PRKAR2A: variants seen among roughly 807,000 people sequenced by gnomAD.
PRKAR2A encodes the protein cAMP-dependent protein kinase type II-alpha regulatory subunit.
In PRKAR2A, 29 loss-of-function variants were observed where a neutral mutation model predicts 51.9. The ratio of observed to expected loss-of-function variants is 0.56; its 90% CI spans 0.42 to 0.76. PRKAR2A has a LOEUF of 0.76. Among genes scored for constraint, PRKAR2A ranks in the 30% least tolerant of loss-of-function variants. PRKAR2A has a pLI of 0.00. For synonymous variants in PRKAR2A, 178 were observed against 186.2 expected, an observed-to-expected ratio of 0.96 and a Z score of 0.36; for missense variants, 445 against 512.1, an observed-to-expected ratio of 0.87 and a Z score of 1.26.
rs1302540315 is a variant in PRKAR2A, at chr3:48,847,621, C to T, written c.-25G>A. On this transcript the variant is annotated 5_prime_UTR_variant, in exon 1 of 11. Coordinates refer to ENST00000265563, the MANE Select transcript of PRKAR2A (RefSeq NM_004157.4). The surrounding 1 kb of genome is among the most constrained non-coding windows in gnomAD (Gnocchi z 4.4). ...TGCCGGCGGCGGCCGAAGGGATAGA[C>T]GGGTTGGGCCGCCGGCGGCCACTGT... 3 of 1,420,966 alleles carry T rather than the reference C, an allele frequency of 2.1e-6. No homozygotes were observed. In the South Asian group the frequency reaches 4.6e-5, roughly 22 times the overall value. 88.0% of individuals were successfully genotyped at this position (1,420,966 alleles called of 1,614,324 possible).
intron 1 of PRKAR2A, among the ~76,000 whole-genome samples, chr3:48,824,901 G>A (rs1178415190): frequency 6.6e-6 from 1 of 151,092 alleles, no homozygotes; most frequent in African/African-American, 2.4e-5. Context: ...AGCCGAGATC[G>A]TACCACTGCA....
At chr3:48,790,842 C>T (rs1347541498) in intron 3 of PRKAR2A, among the ~76,000 whole-genome samples, 1 of 152,106 alleles carries the variant, frequency 6.6e-6, no homozygotes, top group Non-Finnish European at 1.5e-5. Context: ...CTGCCGACTA[C>T]ATGGCTGGCA....
In PRKAR2A at chr3:48,773,059, C is replaced by T. The variant is rs1181391783; in HGVS notation, c.592G>A (p.Gly198Ser). 11 of 1,613,034 alleles carry T rather than the reference C, an allele frequency of 6.8e-6. No individual in the cohort carries two copies. Among genetic ancestry groups the T allele is most frequent in the African/African-American group, 4.0e-5 (3 of 74,830 alleles). ...VTKDNQTRSV[G>S]QYDNRGSFGE... Reference sequence around the variant, plus strand: ...AAACTGCCACGGTTGTCATATTGACCAACAGAGCGGGTTTGATTATCTTTT... The same window carrying T: ...AAACTGCCACGGTTGTCATATTGACTAACAGAGCGGGTTTGATTATCTTTT... The change falls in exon 6 of 11, where the codon GGT (glycine) becomes AGT (serine). Residue 198 changes from glycine (G) to serine (S), a missense_variant. Physicochemically the swap from Gly to Ser is moderately conservative, Grantham distance 56 (BLOSUM62 0). Transcript: ENST00000265563.
intron 1 of PRKAR2A, among the ~76,000 whole-genome samples, chr3:48,829,822 TATAC>T (rs1402798262): frequency 2.3e-5 from 3 of 131,402 alleles, no homozygotes; most frequent in Non-Finnish European, 3.2e-5. Context: ...TATGTATGTA[TATAC>T]ATACATATAT....
At chr3:48,838,319 T>C (rs2107459320) in intron 1 of PRKAR2A, among the ~76,000 whole-genome samples, 1 of 151,374 alleles carries the variant, frequency 6.6e-6, no homozygotes, top group South Asian at 2.1e-4. Context: ...GACTAAAGTG[T>C]ATGGTGACCG....
At chr3:48,793,062 T>G (rs1444407517) in intron 3 of PRKAR2A, among the ~76,000 whole-genome samples, 1 of 151,814 alleles carries the variant, frequency 6.6e-6, no homozygotes, top group African/African-American at 2.4e-5. Context: ...ATCTGGGGTA[T>G]ATCCTTCCAG....
chr3:48,843,815 C>T (rs1333383424), intron 1 of PRKAR2A, among the ~76,000 whole-genome samples: 5 of 151,980 alleles, frequency 3.3e-5, no homozygotes, highest in African/African-American at 9.7e-5. Flanking sequence ...CCCTTCCTTA[C>T]ACCTTATACA....
At position 48,821,349 on chromosome 3, in the gene PRKAR2A, C is replaced by T. The variant is rs531713230; in HGVS notation, c.263-13665G>A. Among the ~76,000 whole-genome samples the T allele has an allele frequency of 5.3e-5, 8 of 152,340 alleles. No homozygotes were observed. The East Asian group carries it at 1.5e-3, about 29-fold the overall frequency. ...AGAACTAGGGAAATACCTCCTCCTA[C>T]CCATCCCCACTCCCTTCCAGCTATT... On this transcript the variant is annotated intron_variant, in intron 1 of 10. Transcript: ENST00000265563.
At chr3:48,795,658 T>C (rs1335359367) in intron 2 of PRKAR2A, among the ~76,000 whole-genome samples, 4 of 152,316 alleles carry the variant, frequency 2.6e-5, no homozygotes, top group African/African-American at 9.6e-5. Context: ...TGCCTTAGCC[T>C]CCTTAGTAGC....
At chr3:48,784,616 C>T (rs1442717163) in intron 4 of PRKAR2A, among the ~76,000 whole-genome samples, 1 of 152,166 alleles carries the variant, frequency 6.6e-6, no homozygotes, top group Non-Finnish European at 1.5e-5. Flanking sequence ...AGTCTGGACT[C>T]TTCAAACACA....
chr3:48,835,299 C>T (rs867216549), intron 1 of PRKAR2A, among the ~76,000 whole-genome samples: 2 of 151,396 alleles, frequency 1.3e-5, no homozygotes, highest in Non-Finnish European at 2.9e-5. Context: ...ACCAGGAGTT[C>T]GAGACCAACC....
intron 5 of PRKAR2A, among the ~76,000 whole-genome samples, chr3:48,780,248 C>T (rs1226422910): frequency 6.6e-6 from 1 of 151,940 alleles, no homozygotes; most frequent in Non-Finnish European, 1.5e-5. Context: ...AGACAAAAGT[C>T]TTTTCTCTGA....
Position 48,748,404 on chromosome 3 carries a change from G to C in PRKAR2A, c.*3181C>G, listed in dbSNP as rs2081594234. ...CCACTTTGGCTTCCCAAAGTGCTGA[G>C]ATTACAGGCATGAGCCACTATGCCC... On this transcript the variant is annotated 3_prime_UTR_variant, in exon 11 of 11. Coordinates refer to ENST00000265563, the MANE Select transcript of PRKAR2A (RefSeq NM_004157.4). 1 of 151,286 alleles carries C rather than the reference G, an allele frequency of 6.6e-6. No homozygotes were observed. The highest frequency in any genetic ancestry group is 1.5e-5 in the Non-Finnish European group (1 of 68,020). The allele number at this position is 151,286 out of a possible 1,614,324, so 9.4% of individuals were successfully genotyped here. A position where few individuals can be genotyped will look rare whatever the true frequency, so the allele number is the denominator to read the frequency against.
chr3:48,773,824 T>A (rs1032900237), intron 5 of PRKAR2A, among the ~76,000 whole-genome samples: 19 of 151,662 alleles, frequency 1.3e-4, no homozygotes, highest in African/African-American at 4.6e-4. Flanking sequence ...ACATATATAT[T>A]TTTTTGAGAC....
At chr3:48,781,561 G>A (rs2082197486) in intron 5 of PRKAR2A, among the ~76,000 whole-genome samples, 1 of 151,892 alleles carries the variant, frequency 6.6e-6, no homozygotes, top group African/African-American at 2.4e-5. Flanking sequence ...TGCCCAGGCT[G>A]GTGTGCAGTG....
At position 48,847,505 on chromosome 3, in the gene PRKAR2A, T is replaced by C; in HGVS notation, c.92A>G (p.Glu31Gly). 1 of 1,558,202 alleles carries C rather than the reference T, an allele frequency of 6.4e-7. No homozygotes were observed. The highest frequency in any genetic ancestry group is 8.7e-7 in the Non-Finnish European group (1 of 1,151,608). ...VLRQQPPDLVEFAVEYFTRLR... is the reference protein window; with the variant it reads ...VLRQQPPDLVGFAVEYFTRLR... ...GCGGGTGAAGTACTCCACTGCGAATTCGACGAGGTCAGGCGGCTGCTGTCG... is the reference window on the plus strand; with the variant it reads ...GCGGGTGAAGTACTCCACTGCGAATCCGACGAGGTCAGGCGGCTGCTGTCG... Residue 31 changes from glutamate (E) to glycine (G), a missense_variant, in exon 1 of 11, where the codon GAA becomes GGA. Transcript: ENST00000265563. This position sits in a 1 kb window ranked among gnomAD's most constrained non-coding sequence, Gnocchi z 4.4.
intron 1 of PRKAR2A, among the ~76,000 whole-genome samples, chr3:48,829,732 C>T (rs1268737638): frequency 1.2e-4 from 16 of 128,288 alleles, no homozygotes; most frequent in Admixed American, 2.4e-4. Flanking sequence ...TTTATATATA[C>T]GTTTATATAT....
intron 5 of PRKAR2A, among the ~76,000 whole-genome samples, chr3:48,776,532 A>G (rs1215917932): frequency 2.6e-5 from 4 of 151,914 alleles, no homozygotes; most frequent in Non-Finnish European, 4.4e-5. Context: ...GTATGTGTGT[A>G]TATATATATA....
chr3:48,808,082 C>CTACA (rs1470374446), intron 1 of PRKAR2A, among the ~76,000 whole-genome samples: 1 of 136,236 alleles, frequency 7.3e-6, no homozygotes, highest in Non-Finnish European at 1.5e-5. Context: ...GAGTCTCGCT[C>CTACA]TGTAGCCCAG....
Sources: gnomAD v4.1 joint callset for allele counts (sites outside exome capture counted in the v4.1 genomes callset) on GRCh38, gnomAD v4.1.1 for gene constraint, Gnocchi (gnomAD v3.1) non-coding constraint, MANE v1.5 for transcripts, NCBI Gene and HGNC (gene_info 2026-07-23, HGNC 2026-07-21) for gene names.